Variants in NFKBID observed in about 807,000 individuals in gnomAD.
The protein encoded by NFKBID is NF-kappa-B inhibitor delta.
A neutral mutation model predicts 53.4 loss-of-function variants in NFKBID; 26 were observed. The observed-to-expected ratio is 0.49, with a 90% CI of 0.36 to 0.68. The LOEUF is 0.68. Ranked by LOEUF, NFKBID falls within the 30% of genes least tolerant of loss-of-function variation. The pLI is 0.00. For missense variants in NFKBID, 493 were observed against 614.1 expected (o/e 0.80, Z 2.08); for synonymous variants, 262 against 259.8 (o/e 1.01, Z -0.08).
At chr19:35,889,848 A>G in intron 11 of NFKBID, 42 bp downstream of exon 11, 1 of 1,559,038 alleles carries the variant, frequency 6.4e-7, no homozygotes, top group South Asian at 1.1e-5. Context: ...CGCGCCCGCG[A>G]GCTCAGAGGC....
chr19:35,890,332 C>G, intron 10 of NFKBID, 42 bp downstream of exon 10: 2 of 1,384,092 alleles, frequency 1.4e-6, no homozygotes, highest in Non-Finnish European at 2.1e-6. Flanking sequence ...GCCCCCCCTA[C>G]CGTACCCCAC....
intron 4 of NFKBID, 126 bp from the exon 5 acceptor site, chr19:35,897,184 G>A: frequency 1.0e-6 from 1 of 980,746 alleles, no homozygotes; most frequent in Non-Finnish European, 1.5e-6. Flanking sequence ...TCTGCATGCA[G>A]AGCCCCTGGG....
chr19:35,900,463 A>G (rs995163652), exon 1 of NFKBID: 1 of 1,231,824 alleles, frequency 8.1e-7, no homozygotes, highest in African/African-American at 1.6e-5. Context: ...CGTGGCGTGG[A>G]TTGCGGGCCC....
chr19:35,888,514 G>A, exon 12 of NFKBID: 3 of 1,413,522 alleles, frequency 2.1e-6, no homozygotes, highest in Non-Finnish European at 2.9e-6. Context: ...CTGTCCCGCA[G>A]GACGGTGGGG....
upstream of NFKBID, among the ~76,000 whole-genome samples, chr19:35,900,827 CTT>C (rs60365058): frequency 6.7e-4 from 72 of 107,578 alleles, no homozygotes; most frequent in African/African-American, 6.5e-4. Context: ...TTTTTCTTTT[CTT>C]TTTTTTTTTT....
chr19:35,889,285 GCT>G (rs1677033517), intron 11 of NFKBID, among the ~76,000 whole-genome samples: 1 of 151,768 alleles, frequency 6.6e-6, no homozygotes, highest in South Asian at 2.1e-4. Flanking sequence ...GAGCCCAGGA[GCT>G]CGAGGCTGCA....
At position 35,899,502 on chromosome 19, in the gene NFKBID, G is replaced by A. The variant is rs1975423015; in HGVS notation, c.62-680C>T. ...CCGGGAGGCGGAGGTTGAGGTTGCA[G>A]TAAGCGGAGATCGCGCTACTGCACT... On this transcript the variant is annotated intron_variant, in intron 1 of 11. Transcript: ENST00000641389. 2.8e-5 allele frequency among the ~76,000 whole-genome samples: 4 copies of A among 141,104 alleles called. No individual in the cohort carries two copies. The Admixed American group carries it at 3.0e-4, about 10-fold the overall frequency. The allele number at this position is 141,104 out of a possible 152,430, so 92.6% of individuals were successfully genotyped here.
chr19:35,901,598 T>C (rs1728077026), upstream of NFKBID: 1 of 152,658 alleles, frequency 6.6e-6, no homozygotes, highest in African/African-American at 2.4e-5. Context: ...TACATTTTTA[T>C]TGTTAGAGAG....
chr19:35,891,970 C>A (rs1178824865), intron 9 of NFKBID, among the ~76,000 whole-genome samples: 1 of 152,066 alleles, frequency 6.6e-6, no homozygotes, highest in Non-Finnish European at 1.5e-5. Context: ...GTAGCCTCAA[C>A]CTACTGGGCT....
rs540194399 is a variant in NFKBID, at chr19:35,893,796, G to A, written c.1032+2184C>T. On this transcript the variant is annotated intron_variant, in intron 9 of 11. Transcript: ENST00000641389. ...GATCGCACCACTGCACTCCAGCCTG[G>A]GTGACAGAGCGAGAGCCATCTCAAA... Among the ~76,000 whole-genome samples the A allele has an allele frequency of 8.6e-5, 13 of 151,412 alleles. No homozygotes were observed. The East Asian group carries it at 2.1e-3, about 25-fold the overall frequency.
exon 4 of NFKBID, chr19:35,897,774 C>T (rs763431879): frequency 8.1e-6 from 13 of 1,608,106 alleles, no homozygotes; most frequent in South Asian, 1.1e-5. Context: ...AGGCAGCATG[C>T]GTGTTGGGGT....
intron 11 of NFKBID, 75 bp downstream of exon 11, chr19:35,889,815 T>C (rs1419007380): frequency 2.8e-6 from 4 of 1,424,936 alleles, no homozygotes; most frequent in African/African-American, 1.4e-5. Context: ...AAGCGAGCAT[T>C]GGGTGGGGCA....
upstream of NFKBID, among the ~76,000 whole-genome samples, chr19:35,901,374 G>C (rs189725286): frequency 9.3e-4 from 141 of 152,168 alleles, no homozygotes; most frequent in African/African-American, 3.3e-3. Context: ...TAGAGGTCTG[G>C]TTTCATTTAC....
intron 9 of NFKBID, among the ~76,000 whole-genome samples, chr19:35,890,869 T>TAATA (rs112491444): frequency 0.17 from 25,119 of 151,158 alleles, 4,602 homozygotes; most frequent in African/African-American, 0.46. Flanking sequence ...ATCTCAAAAT[T>TAATA]AATAAATAAA....
chr19:35,890,142 T>TC, intron 10 of NFKBID, 88 bp from the exon 11 acceptor site: 1 of 1,353,118 alleles, frequency 7.4e-7, no homozygotes, highest in Non-Finnish European at 1.0e-6. Context: ...CTTGTCTACG[T>TC]CCTACACTTG....
intron 9 of NFKBID, among the ~76,000 whole-genome samples, chr19:35,895,407 G>C (rs1975069695): frequency 6.6e-6 from 1 of 151,784 alleles, no homozygotes; most frequent in Non-Finnish European, 1.5e-5. Context: ...AGAATCACTT[G>C]AACCTGGGAG....
chr19:35,896,258 G>A lies in NFKBID; in HGVS notation c.843C>T (p.Asn281=). ...CTTCCAGGTCAACCTGGACCCCAGA[G>A]TTAAGCACAGCCTGGGAGGAAGAGA... The change falls in exon 8 of 12, where the codon AAC becomes AAT. Residue 281 remains asparagine (N), a synonymous_variant. Transcript: ENST00000641389. This position sits in a 1 kb window ranked among gnomAD's most constrained non-coding sequence, Gnocchi z 5.7. 2 of 1,614,236 alleles carry A rather than the reference G, an allele frequency of 1.2e-6. No individual in the cohort carries two copies. The highest frequency in any genetic ancestry group is 1.7e-6 in the Non-Finnish European group (2 of 1,180,042).
intron 9 of NFKBID, 153 bp from the exon 10 acceptor site, chr19:35,890,643 C>A: frequency 5.6e-6 from 4 of 718,566 alleles, no homozygotes; most frequent in Non-Finnish European, 1.0e-5. Flanking sequence ...GAAGGAGGAT[C>A]ACTTGAGGCC....
intron 9 of NFKBID, among the ~76,000 whole-genome samples, chr19:35,890,869 TAATA>T (rs112491444): frequency 2.0e-5 from 3 of 151,132 alleles, no homozygotes; most frequent in South Asian, 4.2e-4. Flanking sequence ...ATCTCAAAAT[TAATA>T]AATAAATAAA....
Sources: allele counts gnomAD v4.1 joint callset (sites outside exome capture counted in the v4.1 genomes callset), GRCh38; gene constraint gnomAD v4.1.1; non-coding constraint Gnocchi (gnomAD v3.1); transcripts MANE v1.5; gene names NCBI Gene and HGNC (gene_info 2026-07-23, HGNC 2026-07-21).